ANGPTL5: variants seen among roughly 807,000 people sequenced by gnomAD.
The protein encoded by ANGPTL5 is angiopoietin like 5.
Under a neutral mutation model 39.4 loss-of-function variants are expected in ANGPTL5, and 34 were observed. The ratio of observed to expected loss-of-function variants is 0.86; its 90% CI spans 0.66 to 1.15. The LOEUF (loss-of-function observed/expected upper bound fraction) is 1.15, where lower values mean the gene tolerates loss of function less well. Ranked by LOEUF, ANGPTL5 falls within the 50% of genes most tolerant of loss-of-function variation. The pLI, the probability that ANGPTL5 is intolerant of heterozygous loss-of-function variation, is 0.00. For missense variants in ANGPTL5, 467 were observed against 457.5 expected (o/e 1.02, Z -0.19); for synonymous variants, 146 against 152.1 (o/e 0.96, Z 0.29).
At chr11:101,892,150 T>A (rs1939710300) in intron 8 of ANGPTL5, among the ~76,000 whole-genome samples, 1 of 152,194 alleles carries the variant, frequency 6.6e-6, no homozygotes, top group South Asian at 2.1e-4. Flanking sequence ...TCACGGCTCT[T>A]CACATGATTT....
chr11:101,905,872 T>C (rs761588528), intron 3 of ANGPTL5, 25 bp from the exon 4 acceptor site: 1 of 1,269,704 alleles, frequency 7.9e-7, no homozygotes, highest in Non-Finnish European at 1.1e-6. Context: ...AAAGTGGCTG[T>C]TAAATATTAT....
intron 1 of ANGPTL5, among the ~76,000 whole-genome samples, chr11:101,914,076 T>C (rs1328610841): frequency 1.3e-5 from 2 of 152,214 alleles, no homozygotes; most frequent in Non-Finnish European, 2.9e-5. Context: ...TTTGCAAAGA[T>C]TGTTTTAAAC....
chr11:101,895,597 T>C (rs1939777532), intron 7 of ANGPTL5, among the ~76,000 whole-genome samples: 1 of 152,234 alleles, frequency 6.6e-6, no homozygotes, highest in South Asian at 2.1e-4. Flanking sequence ...ACTTCTTTGC[T>C]ACAATGCAGC....
Position 101,900,484 on chromosome 11 carries a change from T to C in ANGPTL5, c.607A>G (p.Ile203Val), listed in dbSNP as rs372718593. The part of the protein sequence containing the change: ...TVIQKRIDGI[I>V]DFQRLWCDYL... Reference sequence around the variant, plus strand: ...TCACACCACAACCTCTGGAAATCAATTATCCCATCAATTCTTTTCTGTATC... The same window carrying C: ...TCACACCACAACCTCTGGAAATCAACTATCCCATCAATTCTTTTCTGTATC... The change falls in exon 7 of 9, where the codon ATT becomes GTT. Residue 203 changes from isoleucine to valine, a missense_variant. Transcript: ENST00000334289. The C allele has an allele frequency of 5.0e-6, 8 of 1,613,240 alleles. No individual in the cohort carries two copies. The highest frequency in any genetic ancestry group is 3.3e-5 in the Admixed American group (2 of 60,002).
chr11:101,906,329 A>G (rs1249062980), intron 3 of ANGPTL5, among the ~76,000 whole-genome samples: 3 of 152,196 alleles, frequency 2.0e-5, no homozygotes, highest in African/African-American at 7.2e-5. Context: ...ATACATACAC[A>G]TAATAAATGT....
Position 101,891,220 on chromosome 11 carries a change from C to A in ANGPTL5, c.*59G>T. 6.8e-7 allele frequency: 1 copy of A among 1,471,506 alleles called. No individual in the cohort carries two copies. The highest frequency in any genetic ancestry group is 9.2e-7 in the Non-Finnish European group (1 of 1,082,558). 91.2% of individuals were successfully genotyped at this position (1,471,506 alleles called of 1,614,324 possible). A position where few individuals can be genotyped will look rare whatever the true frequency, so the allele number is the denominator to read the frequency against. ...TTGAAACACTAAGTGAAAAGATAAA[C>A]TTTTAAAAATCTTTAATATATTATC... On this transcript the variant is annotated 3_prime_UTR_variant, in exon 9 of 9. Coordinates refer to ENST00000334289, the MANE Select transcript of ANGPTL5 (RefSeq NM_178127.5).
chr11:101,913,675 G>A (rs1404810455), intron 1 of ANGPTL5, among the ~76,000 whole-genome samples: 1 of 152,034 alleles, frequency 6.6e-6, no homozygotes, highest in East Asian at 1.9e-4. Flanking sequence ...TTACGAGATC[G>A]CAAACTAATA....
At chr11:101,912,000 C>T (rs1338356423) in intron 1 of ANGPTL5, among the ~76,000 whole-genome samples, 1 of 152,234 alleles carries the variant, frequency 6.6e-6, no homozygotes. Context: ...TGAGCACCCT[C>T]TCACAGATAG....
At chr11:101,902,377 A>C (rs1016872206) in intron 6 of ANGPTL5, among the ~76,000 whole-genome samples, 1 of 152,198 alleles carries the variant, frequency 6.6e-6, no homozygotes, top group Non-Finnish European at 1.5e-5. Context: ...TACTTTAAAG[A>C]GTATAACCAT....
chr11:101,892,042 C>G (rs951409107), intron 8 of ANGPTL5, among the ~76,000 whole-genome samples: 7 of 152,122 alleles, frequency 4.6e-5, no homozygotes, highest in African/African-American at 1.7e-4. Flanking sequence ...TTTACAGTTA[C>G]AGAAGTTGGG....
rs1317842648 is a variant in ANGPTL5 at position 101,910,422 on chromosome 11, AAAATATATAT to A, written c.-92-2431_-92-2422del. ...CAAAACTCCGTCTCAAAAAAAAAAA[AAAATATATAT>A]ATATATATATATATTCAAATTAGAT... On this transcript the variant is annotated intron_variant, in intron 1 of 8. Coordinates refer to ENST00000334289, the MANE Select transcript of ANGPTL5 (RefSeq NM_178127.5). Among the ~76,000 whole-genome samples, 336 of 128,350 alleles carry A rather than the reference AAAATATATAT, an allele frequency of 2.6e-3. 1 individual carries two copies. The highest frequency in any genetic ancestry group is 8.7e-3 in the African/African-American group (309 of 35,694). 84.2% of individuals were successfully genotyped at this position (128,350 alleles called of 152,430 possible).
rs769611935 is a variant in ANGPTL5, at chr11:101,902,713, A to C, written c.448T>G (p.Cys150Gly). The change falls in exon 6 of 9, where the codon TGC (cysteine) becomes GGC (glycine). Residue 150 changes from cysteine (C) to glycine (G), a missense_variant. By Grantham distance (159) the Cys-to-Gly change is radical. Coordinates refer to ENST00000334289, the MANE Select transcript of ANGPTL5 (RefSeq NM_178127.5). ...HRPVQSHGLD[C>G]TDIKDTIGSV... ...CCAATGGTATCCTTAATATCAGTGC[A>C]ATCTAAACCTAGAAAAGCAAAATTA... is the stretch of plus-strand genomic sequence containing the variant. The C allele has an allele frequency of 6.2e-7, 1 of 1,607,696 alleles. No individual in the cohort carries two copies. The highest frequency in any genetic ancestry group is 8.5e-7 in the Non-Finnish European group (1 of 1,175,344).
chr11:101,910,883 A>G (rs1212859970), intron 1 of ANGPTL5, among the ~76,000 whole-genome samples: 2 of 152,048 alleles, frequency 1.3e-5, no homozygotes, highest in African/African-American at 4.8e-5. Flanking sequence ...CCCCACAACA[A>G]CTAGAGGGTC....
intron 1 of ANGPTL5, chr11:101,915,521 GT>G: frequency 7.4e-7 from 1 of 1,354,874 alleles, no homozygotes; most frequent in Non-Finnish European, 1.0e-6. Context: ...AAACTAGCAA[GT>G]CATCTTAGTG....
intron 1 of ANGPTL5, among the ~76,000 whole-genome samples, chr11:101,908,926 G>A (rs1218863417): frequency 2.6e-5 from 4 of 151,976 alleles, no homozygotes; most frequent in African/African-American, 4.8e-5. Context: ...ACTCTTTGAA[G>A]GTTGATAGAT....
chr11:101,908,896 T>C (rs1940046358), intron 1 of ANGPTL5, among the ~76,000 whole-genome samples: 1 of 151,584 alleles, frequency 6.6e-6, no homozygotes. Context: ...ATCAGAGAAA[T>C]AATATTATTG....
At chr11:101,903,550 T>C (rs1369983463) in intron 5 of ANGPTL5, among the ~76,000 whole-genome samples, 5 of 152,172 alleles carry the variant, frequency 3.3e-5, no homozygotes, top group Admixed American at 1.3e-4. Flanking sequence ...GCCTTTACCA[T>C]AGTGCCCAGC....
chr11:101,891,514 C>T lies in ANGPTL5; in HGVS notation c.932G>A (p.Arg311His), dbSNP rs758888750. Reference sequence around the variant, plus strand: ...CTGACCATTGACCAGGCATGCAGGGCGACACCCATCATTATCAACATCTGA... The same window carrying T: ...CTGACCATTGACCAGGCATGCAGGGTGACACCCATCATTATCAACATCTGA... Reference protein sequence around the residue: ...STSDVDNDGCRPACLVNGQSV... With the variant: ...STSDVDNDGCHPACLVNGQSV... The change falls in exon 9 of 9, where the codon CGC (arginine) becomes CAC (histidine). Residue 311 changes from arginine to histidine, a missense_variant. Coordinates refer to ENST00000334289, the MANE Select transcript of ANGPTL5 (RefSeq NM_178127.5). 69 of 1,613,850 alleles carry T rather than the reference C, an allele frequency of 4.3e-5. No homozygotes were observed. Among genetic ancestry groups the T allele is most frequent in the Middle Eastern group, 1.6e-4 (1 of 6,080 alleles).
chr11:101,914,362 C>T (rs1160517601), intron 1 of ANGPTL5, among the ~76,000 whole-genome samples: 1 of 152,212 alleles, frequency 6.6e-6, no homozygotes, highest in African/African-American at 2.4e-5. Context: ...ATTTTCCATA[C>T]TTCCCAAAAC....
Sources: gnomAD v4.1 joint callset for allele counts (sites outside exome capture counted in the v4.1 genomes callset) on GRCh38, gnomAD v4.1.1 for gene constraint, MANE v1.5 for transcripts, NCBI Gene and HGNC (gene_info 2026-07-23, HGNC 2026-07-21) for gene names.